The following ARHGAP39 variants were observed in gnomAD, a reference collection of about 807,000 sequenced individuals.
ARHGAP39 encodes rho GTPase-activating protein 39.
A neutral mutation model predicts 106.9 loss-of-function variants in ARHGAP39; 44 were observed. That is an observed-to-expected ratio of 0.41 (90% CI 0.32 to 0.53). The LOEUF is 0.53. ARHGAP39 is among the 20% of genes least tolerant of loss of function. ARHGAP39 has a pLI of 0.21. For missense variants in ARHGAP39, 1,496 were observed against 1,577.3 expected (o/e 0.95, Z 0.87); for synonymous variants, 768 against 693.2 (o/e 1.11, Z -1.69).
intron 1 of ARHGAP39, among the ~76,000 whole-genome samples, chr8:144,611,209 G>A (rs1229303658): frequency 1.3e-5 from 2 of 152,106 alleles, no homozygotes; most frequent in Non-Finnish European, 2.9e-5. Context: ...ATTTTTTATT[G>A]GTTTCTAATT....
intron 3 of ARHGAP39, among the ~76,000 whole-genome samples, chr8:144,580,537 C>T (rs1031468971): frequency 6.6e-6 from 1 of 152,170 alleles, no homozygotes; most frequent in African/African-American, 2.4e-5. Flanking sequence ...GAGGCTCTGG[C>T]CACTCGCGGG....
the ARHGAP39 span, among the ~76,000 whole-genome samples, chr8:144,696,740 G>A: frequency 6.6e-6 from 1 of 152,012 alleles, no homozygotes. Context: ...TCACAATGTT[G>A]TGCACTTATC....
intron 5 of ARHGAP39, among the ~76,000 whole-genome samples, 177 bp downstream of exon 5, chr8:144,546,950 C>T (rs1257430330): frequency 1.3e-5 from 2 of 152,222 alleles, no homozygotes; most frequent in Non-Finnish European, 2.9e-5. Context: ...CGTGGACTCC[C>T]AGCTGAGCCC....
intron 6 of ARHGAP39, among the ~76,000 whole-genome samples, chr8:144,540,215 T>C (rs924881251): frequency 2.0e-5 from 3 of 152,162 alleles, no homozygotes; most frequent in Non-Finnish European, 2.9e-5. Context: ...TGGGGCAACA[T>C]TGCAAAACTT....
chr8:144,629,374 G>T (rs1301266933), intron 1 of ARHGAP39, among the ~76,000 whole-genome samples: 1 of 152,068 alleles, frequency 6.6e-6, no homozygotes, highest in African/African-American at 2.4e-5. Context: ...GAGCAGACCC[G>T]CAGGCTCCAG....
At chr8:144,664,492 A>G (rs956022640) in intron 1 of ARHGAP39, among the ~76,000 whole-genome samples, 2 of 152,070 alleles carry the variant, frequency 1.3e-5, no homozygotes, top group African/African-American at 2.4e-5. Flanking sequence ...AGGCCATCCA[A>G]TGTGTGGTAA....
intron 4 of ARHGAP39, among the ~76,000 whole-genome samples, chr8:144,553,032 T>C (rs560922449): frequency 2.8e-4 from 43 of 152,296 alleles, no homozygotes; most frequent in African/African-American, 9.4e-4. Flanking sequence ...GGCATGGGGC[T>C]GGACACCAGC....
Position 144,684,211 on chromosome 8 carries a change from G to A in ARHGAP39, c.-82+1475C>T, listed in dbSNP as rs1225110426. ...CGCCACCCCCATTCATTCACTCCAA[G>A]CATTTATGGCTACAGAGCCTGCGCC... On this transcript the variant is annotated intron_variant, in intron 1 of 11. Transcript: ENST00000377307. This position sits in a 1 kb window ranked among gnomAD's most constrained non-coding sequence, Gnocchi z 4.4. Among the ~76,000 whole-genome samples the A allele has an allele frequency of 6.6e-6, 1 of 152,172 alleles. No individual in the cohort carries two copies. Among genetic ancestry groups the A allele is most frequent in the Non-Finnish European group, 1.5e-5 (1 of 68,042 alleles).
chr8:144,646,965 A>ATT lies in ARHGAP39; in HGVS notation c.-82+38719_-82+38720dup, dbSNP rs1174032022. Among the ~76,000 whole-genome samples, 313 of 114,566 alleles carry ATT rather than the reference A, an allele frequency of 2.7e-3. 2 individuals are homozygous for ATT. The highest frequency in any genetic ancestry group is 6.0e-3 in the East Asian group (23 of 3,856). 75.2% of individuals were successfully genotyped at this position (114,566 alleles called of 152,430 possible). On this transcript the variant is annotated intron_variant, in intron 1 of 11. Coordinates refer to ENST00000377307, the MANE Select transcript of ARHGAP39 (RefSeq NM_025251.3). The surrounding 1 kb of genome is among the most constrained non-coding windows in gnomAD (Gnocchi z 5.7). ...TGGAGGCATCTGCTCTGCTCTGACC[A>ATT]TTTTTTTTTTTTTTTTTTTTTTGAG...
intron 1 of ARHGAP39, among the ~76,000 whole-genome samples, chr8:144,672,480 C>T (rs181659010): frequency 1.0e-3 from 158 of 152,258 alleles, no homozygotes; most frequent in Admixed American, 2.2e-3. Flanking sequence ...AGGAGCATGG[C>T]AAGAAAGGAA....
intron 1 of ARHGAP39, among the ~76,000 whole-genome samples, chr8:144,611,816 G>A (rs1349286925): frequency 2.0e-5 from 3 of 152,102 alleles, no homozygotes; most frequent in East Asian, 3.9e-4. Context: ...AGGAGTTCAA[G>A]ACCAGCCTGG....
intron 3 of ARHGAP39, among the ~76,000 whole-genome samples, chr8:144,574,814 C>T (rs1010542999): frequency 6.6e-6 from 1 of 152,208 alleles, no homozygotes; most frequent in African/African-American, 2.4e-5. Context: ...CATGATTATG[C>T]CATTTCATAC....
At chr8:144,538,087 C>G (rs1444559553) in intron 6 of ARHGAP39, among the ~76,000 whole-genome samples, 2 of 152,150 alleles carry the variant, frequency 1.3e-5, no homozygotes, top group Non-Finnish European at 2.9e-5. Flanking sequence ...AGGAGGAGAA[C>G]ACAGGGAAGG....
At chr8:144,561,636 T>TTTCCATCGCGCTCCAGTGGA in intron 3 of ARHGAP39, among the ~76,000 whole-genome samples, 1 of 146,968 alleles carries the variant, frequency 6.8e-6, no homozygotes, top group African/African-American at 2.6e-5. Flanking sequence ...ACCCCAGTGG[T>TTTCCATCGCGCTCCAGTGGA]TTCCATCGCG....
At chr8:144,605,409 G>C (rs916304558) in intron 2 of ARHGAP39, 126 bp downstream of exon 2, 2 of 1,031,072 alleles carry the variant, frequency 1.9e-6, no homozygotes, top group Non-Finnish European at 2.9e-6. Flanking sequence ...CAGGCCTTGG[G>C]AACAGCCAGC....
chr8:144,686,933 A>ACCCCCG, upstream of ARHGAP39, among the ~76,000 whole-genome samples: 1 of 56,726 alleles, frequency 1.8e-5, no homozygotes, highest in Admixed American at 1.7e-4. Context: ...GGCGGCGACC[A>ACCCCCG]TTTCCCACCC....
chr8:144,561,366 C>G (rs978789864), intron 3 of ARHGAP39, among the ~76,000 whole-genome samples: 2 of 152,008 alleles, frequency 1.3e-5, no homozygotes, highest in Non-Finnish European at 2.9e-5. Context: ...CATCGGGCCC[C>G]AGTGGTTTCC....
At position 144,547,189 on chromosome 8, in the gene ARHGAP39, C is replaced by A. The variant is rs749435106; in HGVS notation, c.1897G>T (p.Glu633Ter). 1 of 1,612,230 alleles carries A rather than the reference C, an allele frequency of 6.2e-7. No individual in the cohort carries two copies. ...TTGGTCTGCACGGAGACGCTCTTCT[C>A]CAGCAGGATCTGGGGGAAGCCTAGC... ...EKLGFPQILLEKSVSVQTNLA... is the reference protein window; with the variant it reads ...EKLGFPQILL Residue 633 changes from glutamate (E) to a stop codon, truncating the protein, a stop_gained, in exon 5 of 12, where the codon GAG (glutamate) becomes TAG (stop). Coordinates refer to ENST00000377307, the MANE Select transcript of ARHGAP39 (RefSeq NM_025251.3). LOFTEE classifies it high-confidence loss of function. This position sits in a 1 kb window ranked among gnomAD's most constrained non-coding sequence, Gnocchi z 5.2.
At chr8:144,553,404 G>A (rs537800391) in intron 4 of ARHGAP39, among the ~76,000 whole-genome samples, 5 of 152,294 alleles carry the variant, frequency 3.3e-5, no homozygotes, top group East Asian at 3.9e-4. Flanking sequence ...CCACCTCCAC[G>A]TATCATGAGA....
Sources: allele counts gnomAD v4.1 joint callset (sites outside exome capture counted in the v4.1 genomes callset), GRCh38; gene constraint gnomAD v4.1.1; non-coding constraint Gnocchi (gnomAD v3.1); transcripts MANE v1.5; gene names NCBI Gene and HGNC (gene_info 2026-07-23, HGNC 2026-07-21).